Variants in EMILIN2 observed in about 807,000 individuals in gnomAD.
EMILIN2 encodes the protein EMILIN-2.
A neutral mutation model predicts 87.1 loss-of-function variants in EMILIN2; 71 were observed. The observed-to-expected ratio is 0.82, with a 90% CI of 0.67 to 0.99. EMILIN2 has a LOEUF of 0.99. Ranked by LOEUF, EMILIN2 falls within the 50% of genes least tolerant of loss-of-function variation. EMILIN2 has a pLI of 0.00. For synonymous variants in EMILIN2, 581 were observed against 563.4 expected, an observed-to-expected ratio of 1.03 and a Z score of -0.44; for missense variants, 1,407 against 1,371.8, an observed-to-expected ratio of 1.03 and a Z score of -0.40.
chr18:2,906,878 G>C lies in EMILIN2; in HGVS notation c.2455G>C (p.Asp819His), dbSNP rs1463126915. The change falls in exon 5 of 8, where the codon GAC becomes CAC. Residue 819 changes from aspartate (D) to histidine (H), a missense_variant. Transcript: ENST00000254528. ...PRPSGPATAEDPGRRPVLPQR... is the reference protein window; with the variant it reads ...PRPSGPATAEHPGRRPVLPQR... ...GCCCAGCGGCCCCGCAACCGCAGAG[G>C]ACCCTGGGCGACGGCCCGTCCTGCC... 7.9e-6 allele frequency: 11 copies of C among 1,389,090 alleles called. No homozygotes were observed. Among genetic ancestry groups the C allele is most frequent in the Non-Finnish European group, 1.0e-5 (11 of 1,070,052 alleles). The allele number at this position is 1,389,090 out of a possible 1,614,324, so 86.0% of individuals were successfully genotyped here. A position where few individuals can be genotyped will look rare whatever the true frequency, so the allele number is the denominator to read the frequency against.
At chr18:2,909,844 C>T (rs761121637) in intron 7 of EMILIN2, 25 bp downstream of exon 7, 1 of 1,608,822 alleles carries the variant, frequency 6.2e-7, no homozygotes, top group South Asian at 1.1e-5. Context: ...GGAACTGGTA[C>T]TGTGTCCTCC....
intron 2 of EMILIN2, among the ~76,000 whole-genome samples, chr18:2,856,509 A>C (rs1045016628): frequency 7.9e-5 from 12 of 152,192 alleles, no homozygotes; most frequent in Non-Finnish European, 1.6e-4. Context: ...GAATTCTTTT[A>C]GAAAAAAATC....
At chr18:2,865,230 C>G (rs552015600) in intron 2 of EMILIN2, among the ~76,000 whole-genome samples, 1 of 152,342 alleles carries the variant, frequency 6.6e-6, no homozygotes, top group Non-Finnish European at 1.5e-5. Context: ...CAAAGTCATT[C>G]TGCGTCCAGC....
chr18:2,889,662 A>G (rs1202703858), intron 3 of EMILIN2, among the ~76,000 whole-genome samples: 6 of 143,788 alleles, frequency 4.2e-5, no homozygotes, highest in Admixed American at 1.4e-4. Flanking sequence ...CCAAAATTCA[A>G]TGTTTGCATT....
chr18:2,893,065 A>G (rs1201820819), intron 4 of EMILIN2, among the ~76,000 whole-genome samples: 1 of 152,064 alleles, frequency 6.6e-6, no homozygotes, highest in Non-Finnish European at 1.5e-5. Flanking sequence ...TAAATAAACA[A>G]ACAACATTGC....
intron 4 of EMILIN2, among the ~76,000 whole-genome samples, chr18:2,897,593 C>G (rs538506581): frequency 1.3e-5 from 2 of 152,144 alleles, no homozygotes; most frequent in Non-Finnish European, 2.9e-5. Flanking sequence ...TGGCTGGGCG[C>G]GGTGGCTCAT....
At chr18:2,860,389 C>A (rs546831855) in intron 2 of EMILIN2, among the ~76,000 whole-genome samples, 1 of 152,284 alleles carries the variant, frequency 6.6e-6, no homozygotes, top group African/African-American at 2.4e-5. Context: ...CCTCCCACTT[C>A]CCCCAACCCC....
intron 2 of EMILIN2, among the ~76,000 whole-genome samples, chr18:2,865,683 T>A (rs1419427744): frequency 1.3e-5 from 2 of 152,202 alleles, no homozygotes; most frequent in Non-Finnish European, 2.9e-5. Context: ...AGGCAGTCTG[T>A]CCGTTCTCAG....
rs1386210572 is a variant in EMILIN2, at chr18:2,891,274, C to T, written c.1147C>T (p.Leu383Phe). The T allele has an allele frequency of 6.2e-7, 1 of 1,614,196 alleles. No individual in the cohort carries two copies. The highest frequency in any genetic ancestry group is 1.3e-5 in the African/African-American group (1 of 75,050). ...ETSLRKEINN[L>F]RARLQEPSAQ... Reference sequence around the variant, plus strand: ...AAGCCTGAGAAAAGAAATAAATAACCTCCGAGCCCGGCTACAGGAGCCTTC... The same window carrying T: ...AAGCCTGAGAAAAGAAATAAATAACTTCCGAGCCCGGCTACAGGAGCCTTC... The change falls in exon 4 of 8, where the codon CTC (leucine) becomes TTC (phenylalanine). Residue 383 changes from leucine (L) to phenylalanine (F), a missense_variant. By Grantham distance (22) the Leu-to-Phe change is conservative. Transcript: ENST00000254528. The surrounding 1 kb of genome is among the most constrained non-coding windows in gnomAD (Gnocchi z 4.6).
Position 2,848,874 on chromosome 18 carries a change from G to A in EMILIN2, c.257+943G>A, listed in dbSNP as rs1215285107. Among the ~76,000 whole-genome samples, 1 of 152,150 alleles carries A rather than the reference G, an allele frequency of 6.6e-6. No individual in the cohort carries two copies. The highest frequency in any genetic ancestry group is 1.5e-5 in the Non-Finnish European group (1 of 68,036). Reference sequence around the variant, plus strand: ...TTTGGCAAAACCAAGGGACAGACTGGAACTTGTACTCCAGGAAACCTTATT... The same window carrying A: ...TTTGGCAAAACCAAGGGACAGACTGAAACTTGTACTCCAGGAAACCTTATT... On this transcript the variant is annotated intron_variant, in intron 2 of 7. Transcript: ENST00000254528. The surrounding 1 kb of genome is among the most constrained non-coding windows in gnomAD (Gnocchi z 4.1).
At chr18:2,889,570 T>G (rs2076822645) in intron 3 of EMILIN2, among the ~76,000 whole-genome samples, 1 of 152,158 alleles carries the variant, frequency 6.6e-6, no homozygotes, top group Non-Finnish European at 1.5e-5. Context: ...GACTCATCAC[T>G]ATCATTCCCC....
chr18:2,853,621 C>A (rs1424360567), intron 2 of EMILIN2, among the ~76,000 whole-genome samples: 1 of 152,202 alleles, frequency 6.6e-6, no homozygotes, highest in Non-Finnish European at 1.5e-5. Flanking sequence ...GGTCACTACC[C>A]CCATTTTACA....
At chr18:2,899,547 C>T (rs1568481163) in intron 4 of EMILIN2, among the ~76,000 whole-genome samples, 3 of 152,040 alleles carry the variant, frequency 2.0e-5, no homozygotes, top group Non-Finnish European at 2.9e-5. Context: ...CTCTGTCACC[C>T]AGGCTGGAGT....
chr18:2,913,273 A>G lies in EMILIN2; in HGVS notation c.3031A>G (p.Ile1011Val). The change falls in exon 8 of 8, where the codon ATC (isoleucine) becomes GTC (valine). Residue 1011 changes from isoleucine to valine, a missense_variant. Coordinates refer to ENST00000254528, the MANE Select transcript of EMILIN2 (RefSeq NM_032048.3). The stretch of plus-strand genomic sequence containing the variant: ...CGGGGGCCCGGGGGCATTCCACCTC[A>G]TCGTGCACCTGAAGGCGGGAGATGC... ...TCGGPGAFHL[I>V]VHLKAGDAVN... 6.2e-7 allele frequency: 1 copy of G among 1,613,698 alleles called. No individual in the cohort carries two copies. Among genetic ancestry groups the G allele is most frequent in the Non-Finnish European group, 8.5e-7 (1 of 1,179,706 alleles).
chr18:2,883,284 C>A (rs1164187682), intron 2 of EMILIN2, among the ~76,000 whole-genome samples: 1 of 152,000 alleles, frequency 6.6e-6, no homozygotes, highest in African/African-American at 2.4e-5. Flanking sequence ...CTTTGAAGTC[C>A]ACCTGCCACA....
chr18:2,898,530 G>A (rs1376786206), intron 4 of EMILIN2, among the ~76,000 whole-genome samples: 1 of 152,198 alleles, frequency 6.6e-6, no homozygotes, highest in Admixed American at 6.5e-5. Flanking sequence ...CAGATGTCAC[G>A]CTTCCAAGTA....
intron 4 of EMILIN2, among the ~76,000 whole-genome samples, chr18:2,900,450 T>C (rs1362951647): frequency 6.6e-6 from 1 of 152,190 alleles, no homozygotes; most frequent in African/African-American, 2.4e-5. Context: ...AGCCTCCTAA[T>C]GTACTGGGAT....
At chr18:2,895,022 G>C (rs1222502897) in intron 4 of EMILIN2, among the ~76,000 whole-genome samples, 1 of 152,176 alleles carries the variant, frequency 6.6e-6, no homozygotes, top group Admixed American at 6.5e-5. Context: ...AGATGAATGA[G>C]ATTGTTTGTG....
chr18:2,897,089 G>A (rs1012282570), intron 4 of EMILIN2, among the ~76,000 whole-genome samples: 3 of 152,222 alleles, frequency 2.0e-5, no homozygotes, highest in Non-Finnish European at 2.9e-5. Flanking sequence ...ATGGCCAAGC[G>A]TATAAGCAAG....
Sources: allele counts gnomAD v4.1 joint callset (sites outside exome capture counted in the v4.1 genomes callset), GRCh38; gene constraint gnomAD v4.1.1; non-coding constraint Gnocchi (gnomAD v3.1); transcripts MANE v1.5; gene names NCBI Gene and HGNC (gene_info 2026-07-23, HGNC 2026-07-21).